Variants in RUNX1 observed in about 807,000 individuals in gnomAD.
RUNX1 encodes runt-related transcription factor 1.
In RUNX1, 19 loss-of-function variants were observed where a neutral mutation model predicts 42.8. The ratio of observed to expected loss-of-function variants is 0.44; its 90% CI spans 0.31 to 0.65. RUNX1 has a LOEUF of 0.65. Among genes scored for constraint, RUNX1 ranks in the 30% least tolerant of loss-of-function variants. The pLI, the probability that RUNX1 is intolerant of heterozygous loss-of-function variation, is 0.07. For synonymous variants in RUNX1, 271 were observed against 289.4 expected, an observed-to-expected ratio of 0.94 and a Z score of 0.64; for missense variants, 528 against 672.0, an observed-to-expected ratio of 0.79 and a Z score of 2.37.
chr21:34,904,005 C>G (rs2058198010), intron 2 of RUNX1, among the ~76,000 whole-genome samples: 1 of 152,046 alleles, frequency 6.6e-6, no homozygotes, highest in Admixed American at 6.6e-5. Flanking sequence ...TACATTATTA[C>G]TATTATACAA....
At chr21:34,868,055 G>C (rs2057688065) in intron 5 of RUNX1, among the ~76,000 whole-genome samples, 1 of 152,202 alleles carries the variant, frequency 6.6e-6, no homozygotes, top group South Asian at 2.1e-4. Flanking sequence ...GGGAAGGAAG[G>C]CTTGGGGGGC....
At chr21:34,889,813 TC>T in intron 3 of RUNX1, 1 of 1,118,166 alleles carries the variant, frequency 8.9e-7, no homozygotes, top group South Asian at 2.7e-5. Flanking sequence ...CGGGGCTCCC[TC>T]CCAGCGGAGG....
In RUNX1 at chr21:34,792,017, A is replaced by C; in HGVS notation, c.*118T>G. 1 of 609,440 alleles carries C rather than the reference A, an allele frequency of 1.6e-6. No individual in the cohort carries two copies. The highest frequency in any genetic ancestry group is 2.6e-6 in the Non-Finnish European group (1 of 389,372). 37.8% of individuals were successfully genotyped at this position (609,440 alleles called of 1,614,324 possible). A position where few individuals can be genotyped will look rare whatever the true frequency, so the allele number is the denominator to read the frequency against. Reference sequence around the variant, plus strand: ...CTGGCCGTCGGGCGCCCTCGGCCCCAGGACGGTGGCCGGGCCCAGGGCCCG... The same window carrying C: ...CTGGCCGTCGGGCGCCCTCGGCCCCCGGACGGTGGCCGGGCCCAGGGCCCG... On this transcript the variant is annotated 3_prime_UTR_variant, in exon 9 of 9. Transcript: ENST00000675419. This position sits in a 1 kb window ranked among gnomAD's most constrained non-coding sequence, Gnocchi z 6.9.
intron 5 of RUNX1, 143 bp from the exon 6 acceptor site, chr21:34,859,721 C>T (rs533254226): frequency 9.8e-5 from 75 of 763,350 alleles, no homozygotes; most frequent in African/African-American, 9.7e-4. Context: ...TTTGGCTTTG[C>T]TTCAATTCTG....
chr21:34,881,082 A>C (rs2057897973), intron 4 of RUNX1, among the ~76,000 whole-genome samples: 1 of 152,184 alleles, frequency 6.6e-6, no homozygotes. Flanking sequence ...TTGGAACAAG[A>C]CTAACCATAG....
chr21:34,940,935 A>G (rs903145191), intron 2 of RUNX1, among the ~76,000 whole-genome samples: 1 of 152,244 alleles, frequency 6.6e-6, no homozygotes, highest in Non-Finnish European at 1.5e-5. Context: ...GGCAGCAATG[A>G]GCCAGTACTA....
chr21:34,923,069 A>G (rs1474611767), intron 2 of RUNX1, among the ~76,000 whole-genome samples: 1 of 152,202 alleles, frequency 6.6e-6, no homozygotes, highest in African/African-American at 2.4e-5. Flanking sequence ...GTCATTACCA[A>G]TGTCCTATTT....
intron 2 of RUNX1, among the ~76,000 whole-genome samples, chr21:34,974,105 TCTC>T (rs1028933825): frequency 1.3e-5 from 2 of 152,318 alleles, no homozygotes; most frequent in South Asian, 2.1e-4. Flanking sequence ...AAAATTTTCT[TCTC>T]TGTTTTCGTA....
chr21:35,046,468 A>AGT (rs2059396860), intron 2 of RUNX1, among the ~76,000 whole-genome samples: 1 of 152,186 alleles, frequency 6.6e-6, no homozygotes, highest in South Asian at 2.1e-4. Context: ...GAGGGAACAC[A>AGT]CGCTGTAAAT....
At chr21:34,870,196 T>C (rs1167249772) in intron 5 of RUNX1, among the ~76,000 whole-genome samples, 1 of 152,246 alleles carries the variant, frequency 6.6e-6, no homozygotes, top group Non-Finnish European at 1.5e-5. Flanking sequence ...CTGGTTGTTG[T>C]TGCTGTTTGC....
At position 34,940,842 on chromosome 21, in the gene RUNX1, T is replaced by A. The variant is rs192152911; in HGVS notation, c.59-47879A>T. Among the ~76,000 whole-genome samples the A allele has an allele frequency of 1.5e-3, 225 of 152,330 alleles. 1 individual carries two copies. The highest frequency in any genetic ancestry group is 5.2e-3 in the African/African-American group (217 of 41,586). On this transcript the variant is annotated intron_variant, in intron 2 of 8. Transcript: ENST00000675419. ...TCCATTGATCTCAGAAACCTTTGGT[T>A]TGTGTTTTTGGCTTTTTCAAAAATA... is the stretch of plus-strand genomic sequence containing the variant.
chr21:34,889,588 C>T, intron 3 of RUNX1: 3 of 881,590 alleles, frequency 3.4e-6, no homozygotes, highest in East Asian at 7.6e-5. Context: ...CCTGCCCGGG[C>T]CCCGCGTCTC....
Position 35,043,085 on chromosome 21 carries a change from A to G in RUNX1, c.58+5757T>C, listed in dbSNP as rs116175908. 4.2e-3 allele frequency among the ~76,000 whole-genome samples: 637 copies of G among 152,222 alleles called. 4 individuals carry two copies. The highest frequency in any genetic ancestry group is 0.015 in the African/African-American group (607 of 41,512). On this transcript the variant is annotated intron_variant, in intron 2 of 8. Coordinates refer to ENST00000675419, the MANE Select transcript of RUNX1 (RefSeq NM_001754.5). ...GTGTGTCTGAGCTTATCCTCCCAGCATGTTGAAGGTGACAGGAGGTTTTGA... is the reference window on the plus strand; with the variant it reads ...GTGTGTCTGAGCTTATCCTCCCAGCGTGTTGAAGGTGACAGGAGGTTTTGA...
intron 6 of RUNX1, among the ~76,000 whole-genome samples, chr21:34,849,409 A>G (rs1271928056): frequency 1.4e-5 from 1 of 70,034 alleles, no homozygotes; most frequent in Non-Finnish European, 2.6e-5. Context: ...TATACTATAT[A>G]TAATATATTA....
rs71938148 is a variant in RUNX1, at chr21:34,978,933, CAGAT to C, written c.58+69905_58+69908del. ...AGACTTCTCAGACAAAACACACACA[CAGAT>C]ACACACACACACACACACACACACA... On this transcript the variant is annotated intron_variant, in intron 2 of 8. Transcript: ENST00000675419. Among the ~76,000 whole-genome samples, 27 of 128,454 alleles carry C rather than the reference CAGAT, an allele frequency of 2.1e-4. 1 individual carries two copies. The South Asian group carries it at 3.0e-3, about 15-fold the overall frequency. The allele number at this position is 128,454 out of a possible 152,430, so 84.3% of individuals were successfully genotyped here. A position where few individuals can be genotyped will look rare whatever the true frequency, so the allele number is the denominator to read the frequency against.
At chr21:35,020,868 T>C (rs1422026774) in intron 2 of RUNX1, among the ~76,000 whole-genome samples, 1 of 152,196 alleles carries the variant, frequency 6.6e-6, no homozygotes, top group Admixed American at 6.5e-5. Context: ...TTTGCTTCTA[T>C]GGGGACTTAT....
chr21:34,879,979 AG>A (rs1157807675), intron 5 of RUNX1, among the ~76,000 whole-genome samples: 1 of 152,174 alleles, frequency 6.6e-6, no homozygotes, highest in Non-Finnish European at 1.5e-5. Flanking sequence ...CTCCTAAATA[AG>A]GCATTGAAAA....
chr21:34,933,859 C>G (rs1426763610), intron 2 of RUNX1, among the ~76,000 whole-genome samples: 1 of 152,128 alleles, frequency 6.6e-6, no homozygotes, highest in Non-Finnish European at 1.5e-5. Flanking sequence ...CATCACAGAC[C>G]AAAGAATTCC....
chr21:34,987,721 T>C (rs188604150), intron 2 of RUNX1, among the ~76,000 whole-genome samples: 40 of 152,200 alleles, frequency 2.6e-4, no homozygotes, highest in Non-Finnish European at 3.5e-4. Flanking sequence ...CACCAAAGTA[T>C]GTGGAAAGGA....
Sources: gnomAD v4.1 joint callset for allele counts (sites outside exome capture counted in the v4.1 genomes callset) on GRCh38, gnomAD v4.1.1 for gene constraint, Gnocchi (gnomAD v3.1) non-coding constraint, MANE v1.5 for transcripts, NCBI Gene and HGNC (gene_info 2026-07-23, HGNC 2026-07-21) for gene names.